Variants in USP15 observed in about 807,000 individuals in gnomAD.
USP15 encodes the protein ubiquitin specific peptidase 15.
In USP15, 18 loss-of-function variants were observed where a neutral mutation model predicts 127.1. The ratio of observed to expected loss-of-function variants is 0.14; its 90% CI spans 0.10 to 0.21. The LOEUF is 0.21. Among genes scored for constraint, USP15 ranks in the 10% least tolerant of loss-of-function variants. The pLI is 1.00. For synonymous variants in USP15, 364 were observed against 393.7 expected, an observed-to-expected ratio of 0.92 and a Z score of 0.89; for missense variants, 805 against 1,159.9, an observed-to-expected ratio of 0.69 and a Z score of 4.44.
intron 1 of USP15, among the ~76,000 whole-genome samples, chr12:62,269,173 T>C (rs2063278403): frequency 6.6e-6 from 1 of 152,088 alleles, no homozygotes. Flanking sequence ...TTTGTCGTTG[T>C]GTGAACATCT....
At chr12:62,285,941 C>T (rs1335501605) in intron 1 of USP15, among the ~76,000 whole-genome samples, 3 of 152,122 alleles carry the variant, frequency 2.0e-5, no homozygotes, top group Non-Finnish European at 4.4e-5. Context: ...TTGCCAACAT[C>T]TGTTATCTTT....
In USP15 at chr12:62,350,994, C is replaced by T. The variant is rs565455685; in HGVS notation, c.770+1687C>T. On this transcript the variant is annotated intron_variant, in intron 7 of 21. Coordinates refer to ENST00000280377, the MANE Select transcript of USP15 (RefSeq NM_001252078.2). ...ATGTAAATTAAAACCATGAAAAACC[C>T]CATTTGCTTTCCCTTACCTCAGTCA... 3.3e-5 allele frequency among the ~76,000 whole-genome samples: 5 copies of T among 152,046 alleles called. No individual in the cohort carries two copies. The South Asian group carries it at 1.0e-3, about 32-fold the overall frequency.
At chr12:62,305,333 A>C (rs2064451051) in intron 3 of USP15, among the ~76,000 whole-genome samples, 1 of 152,182 alleles carries the variant, frequency 6.6e-6, no homozygotes, top group African/African-American at 2.4e-5. Flanking sequence ...CAAAATAAGG[A>C]TAAGACAAAA....
chr12:62,262,456 C>T (rs527708286), intron 1 of USP15, among the ~76,000 whole-genome samples: 6 of 152,134 alleles, frequency 3.9e-5, no homozygotes, highest in African/African-American at 1.4e-4. Context: ...AAATAGAAAT[C>T]TGTAAGTCTA....
At chr12:62,292,380 C>G (rs908562283) in intron 1 of USP15, among the ~76,000 whole-genome samples, 1 of 152,232 alleles carries the variant, frequency 6.6e-6, no homozygotes, top group Non-Finnish European at 1.5e-5. Context: ...ACTCTGCTCC[C>G]TCCCCATGGC....
intron 1 of USP15, among the ~76,000 whole-genome samples, chr12:62,267,474 A>C (rs2063223262): frequency 6.6e-6 from 1 of 152,166 alleles, no homozygotes; most frequent in Admixed American, 6.6e-5. Flanking sequence ...GATTATGTCT[A>C]GACTGCCTTT....
At chr12:62,390,673 T>G (rs977486490) in intron 14 of USP15, among the ~76,000 whole-genome samples, 191 bp from the exon 15 acceptor site, 1 of 152,140 alleles carries the variant, frequency 6.6e-6, no homozygotes, top group Non-Finnish European at 1.5e-5. Flanking sequence ...TTAATTATTT[T>G]TATAAAGATG....
At chr12:62,368,538 G>T (rs776816388) in intron 8 of USP15, among the ~76,000 whole-genome samples, 1 of 152,212 alleles carries the variant, frequency 6.6e-6, no homozygotes, top group Non-Finnish European at 1.5e-5. Context: ...TCTTCTTGAT[G>T]CATTGATCCT....
chr12:62,287,486 C>T (rs2063820987), intron 1 of USP15, among the ~76,000 whole-genome samples: 1 of 152,112 alleles, frequency 6.6e-6, no homozygotes, highest in Admixed American at 6.6e-5. Flanking sequence ...TTGTTGGAGG[C>T]ATAGATTACA....
chr12:62,376,112 A>G (rs559619717), intron 8 of USP15, among the ~76,000 whole-genome samples: 1 of 152,290 alleles, frequency 6.6e-6, no homozygotes, highest in East Asian at 1.9e-4. Flanking sequence ...AAAGTCTACC[A>G]TATACTAAAT....
chr12:62,327,562 A>T (rs1333371538), intron 6 of USP15: 2 of 381,396 alleles, frequency 5.2e-6, no homozygotes, highest in African/African-American at 4.4e-5. Flanking sequence ...ATTAAAAAAA[A>T]CCCATGAGTT....
Position 62,414,247 on chromosome 12 carries a change from G to A in USP15, c.*9872G>A, listed in dbSNP as rs1183764887. 6.6e-6 allele frequency: 1 copy of A among 152,178 alleles called. No individual in the cohort carries two copies. The highest frequency in any genetic ancestry group is 1.5e-5 in the Non-Finnish European group (1 of 68,022). The allele number at this position is 152,178 out of a possible 1,614,324, so 9.4% of individuals were successfully genotyped here. A position where few individuals can be genotyped will look rare whatever the true frequency, so the allele number is the denominator to read the frequency against. On this transcript the variant is annotated 3_prime_UTR_variant, in exon 22 of 22. Coordinates refer to ENST00000280377, the MANE Select transcript of USP15 (RefSeq NM_001252078.2). ...ACACCTATAGATGTGCTCAATGTAG[G>A]CTTGCCACAAGCCTTGTTTGTAAAA... is the stretch of plus-strand genomic sequence containing the variant.
chr12:62,264,301 A>G (rs968186833), intron 1 of USP15, among the ~76,000 whole-genome samples: 1 of 152,226 alleles, frequency 6.6e-6, no homozygotes, highest in Non-Finnish European at 1.5e-5. Flanking sequence ...GGAAATTTTT[A>G]AAGAAATGGG....
rs562748253 is a variant in USP15 at position 62,410,277 on chromosome 12, G to T, written c.*5902G>T. 2 of 151,978 alleles carry T rather than the reference G, an allele frequency of 1.3e-5. No individual in the cohort carries two copies. The highest frequency in any genetic ancestry group is 4.2e-4 in the South Asian group (2 of 4,814). The allele number at this position is 151,978 out of a possible 1,614,324, so 9.4% of individuals were successfully genotyped here. On this transcript the variant is annotated 3_prime_UTR_variant, in exon 22 of 22. Coordinates refer to ENST00000280377, the MANE Select transcript of USP15 (RefSeq NM_001252078.2). ...TGAACTCCCTAATAGAAGCACCAAG[G>T]ATTATCTATTTGTAATCACATTGTG... is the stretch of plus-strand genomic sequence containing the variant.
At chr12:62,357,825 A>T (rs1299901647) in intron 8 of USP15, among the ~76,000 whole-genome samples, 1 of 152,068 alleles carries the variant, frequency 6.6e-6, no homozygotes, top group Non-Finnish European at 1.5e-5. Context: ...CTGAAAATTG[A>T]CTGTAAGAGG....
In USP15 at chr12:62,325,868, G is replaced by T; in HGVS notation, c.622-4G>T. On this transcript the variant is annotated splice_polypyrimidine_tract_variant and splice_region_variant and intron_variant, in intron 5 of 21. Coordinates refer to ENST00000280377, the MANE Select transcript of USP15 (RefSeq NM_001252078.2). The stretch of plus-strand genomic sequence containing the variant: ...AACACCCTTTTATTGTGTCATATTT[G>T]CAGGTATTAGTGATAGAACAGAAAA... 6.2e-7 allele frequency: 1 copy of T among 1,604,122 alleles called. No individual in the cohort carries two copies. Among genetic ancestry groups the T allele is most frequent in the African/African-American group, 1.3e-5 (1 of 74,758 alleles).
intron 1 of USP15, among the ~76,000 whole-genome samples, chr12:62,281,411 A>G (rs1214647764): frequency 1.3e-5 from 2 of 152,174 alleles, no homozygotes; most frequent in African/African-American, 2.4e-5. Context: ...CTCTCAGCTC[A>G]GTGCAACCTC....
chr12:62,262,884 A>G (rs767061384), intron 1 of USP15, among the ~76,000 whole-genome samples: 13 of 152,206 alleles, frequency 8.5e-5, no homozygotes, highest in African/African-American at 2.4e-5. Flanking sequence ...ATAAAAGCAG[A>G]TTGTGCAAGT....
chr12:62,394,732 C>A (rs1040413925), intron 19 of USP15, among the ~76,000 whole-genome samples: 2 of 151,916 alleles, frequency 1.3e-5, no homozygotes, highest in African/African-American at 4.8e-5. Context: ...GCCTGTAGTC[C>A]CAGCTACTCG....
Sources: allele counts gnomAD v4.1 joint callset (sites outside exome capture counted in the v4.1 genomes callset), GRCh38; gene constraint gnomAD v4.1.1; transcripts MANE v1.5; gene names NCBI Gene and HGNC (gene_info 2026-07-23, HGNC 2026-07-21).